Variants in ACBD6 observed in about 807,000 individuals in gnomAD.
ACBD6 encodes acyl-CoA-binding domain-containing protein 6.
A neutral mutation model predicts 37.2 loss-of-function variants in ACBD6; 28 were observed. The ratio of observed to expected loss-of-function variants is 0.75; its 90% CI spans 0.56 to 1.03. ACBD6 has a LOEUF of 1.03. Among genes scored for constraint, ACBD6 ranks in the 50% least tolerant of loss-of-function variants. The probability of loss-of-function intolerance (pLI) is 0.00; values close to 1 mark genes in which losing one functional copy is unlikely to be tolerated. For synonymous variants in ACBD6, 113 were observed against 126.8 expected (o/e 0.89, Z 0.73); for missense variants, 340 against 337.4 (o/e 1.01, Z -0.06).
chr1:180,319,615 T>C (rs1650974324), intron 6 of ACBD6, among the ~76,000 whole-genome samples: 1 of 152,188 alleles, frequency 6.6e-6, no homozygotes, highest in South Asian at 2.1e-4. Context: ...TAACTACTTT[T>C]CATACCCATT....
chr1:180,410,710 T>C (rs1298905475), intron 5 of ACBD6, among the ~76,000 whole-genome samples: 1 of 152,144 alleles, frequency 6.6e-6, no homozygotes, highest in Non-Finnish European at 1.5e-5. Context: ...ATTGACAATG[T>C]GCTTGGTCAT....
At chr1:180,418,700 T>C (rs1414299943) in intron 4 of ACBD6, among the ~76,000 whole-genome samples, 5 of 152,212 alleles carry the variant, frequency 3.3e-5, no homozygotes, top group African/African-American at 1.2e-4. Flanking sequence ...CTAATTAATA[T>C]CTAATTAAAA....
chr1:180,341,686 C>G (rs1651990822), intron 6 of ACBD6, among the ~76,000 whole-genome samples: 1 of 152,084 alleles, frequency 6.6e-6, no homozygotes, highest in Non-Finnish European at 1.5e-5. Flanking sequence ...TGTTCACTTC[C>G]ACTATTCTTC....
chr1:180,395,146 T>A (rs1654211431), intron 6 of ACBD6, among the ~76,000 whole-genome samples: 1 of 152,246 alleles, frequency 6.6e-6, no homozygotes, highest in African/African-American at 2.4e-5. Context: ...TACATGGTAC[T>A]AGTTAACTAA....
chr1:180,447,724 C>CT (rs1295191661), intron 3 of ACBD6, among the ~76,000 whole-genome samples: 1 of 152,000 alleles, frequency 6.6e-6, no homozygotes, highest in Non-Finnish European at 1.5e-5. Flanking sequence ...GAAATTATAA[C>CT]TTTTTTTGGA....
intron 11 of ACBD6, chr1:180,273,903 T>G: frequency 4.2e-6 from 2 of 481,566 alleles, no homozygotes; most frequent in South Asian, 2.1e-5. Flanking sequence ...GCCAGAGTAT[T>G]AGTACACGAG....
intron 4 of ACBD6, among the ~76,000 whole-genome samples, chr1:180,422,667 G>A (rs531066055): frequency 6.6e-6 from 1 of 152,114 alleles, no homozygotes; most frequent in African/African-American, 2.4e-5. Context: ...AGTACTTCCA[G>A]CATCACTAGT....
chr1:180,473,642 T>C (rs1164749907), intron 3 of ACBD6, among the ~76,000 whole-genome samples: 1 of 152,138 alleles, frequency 6.6e-6, no homozygotes. Flanking sequence ...ATTGAGGCAA[T>C]ATAGATAGGA....
chr1:180,301,669 G>T (rs1277866062), intron 7 of ACBD6, among the ~76,000 whole-genome samples: 1 of 152,024 alleles, frequency 6.6e-6, no homozygotes, highest in Non-Finnish European at 1.5e-5. Flanking sequence ...GTGGCATTTT[G>T]TATGGGCCCC....
intron 5 of ACBD6, among the ~76,000 whole-genome samples, chr1:180,405,561 G>A (rs1019587944): frequency 6.6e-6 from 1 of 152,082 alleles, no homozygotes; most frequent in African/African-American, 2.4e-5. Context: ...GCACTGGATG[G>A]TCATCTATTT....
intron 6 of ACBD6, among the ~76,000 whole-genome samples, chr1:180,358,554 C>A (rs1252359572): frequency 3.8e-5 from 1 of 26,272 alleles, no homozygotes; most frequent in Non-Finnish European, 1.3e-4. Flanking sequence ...ATACAGAAAC[C>A]CCAAAAAAAA....
intron 6 of ACBD6, among the ~76,000 whole-genome samples, chr1:180,323,559 T>G (rs1042995831): frequency 6.6e-6 from 1 of 152,080 alleles, no homozygotes. Flanking sequence ...TAATAATATT[T>G]CCTTTATGTA....
rs545480524 is a variant in ACBD6, at chr1:180,327,413, C to T, written c.664-12691G>A. 9.9e-5 allele frequency among the ~76,000 whole-genome samples: 15 copies of T among 152,268 alleles called. No individual in the cohort carries two copies. In the East Asian group the frequency reaches 2.7e-3, roughly 27 times the overall value. ...CGGGATTGAGAAGGGGTGGTGTCAGCGATTTAAGACTGTGTTTCCTACCCT... is the reference window on the plus strand; with the variant it reads ...CGGGATTGAGAAGGGGTGGTGTCAGTGATTTAAGACTGTGTTTCCTACCCT... On this transcript the variant is annotated intron_variant, in intron 6 of 7. Coordinates refer to ENST00000367595, the MANE Select transcript of ACBD6 (RefSeq NM_032360.4).
chr1:180,483,248 T>G (rs1230523835), intron 3 of ACBD6, among the ~76,000 whole-genome samples: 1 of 152,140 alleles, frequency 6.6e-6, no homozygotes, highest in East Asian at 1.9e-4. Context: ...ATTCTTTCAC[T>G]TAATTTCAAT....
At chr1:180,357,491 T>C (rs1190737225) in intron 6 of ACBD6, among the ~76,000 whole-genome samples, 1 of 152,220 alleles carries the variant, frequency 6.6e-6, no homozygotes, top group Admixed American at 6.5e-5. Flanking sequence ...AAGATCCCTC[T>C]GCATCCCTGC....
chr1:180,282,972 G>GTT (rs34828086), intron 8 of ACBD6, among the ~76,000 whole-genome samples: 6,864 of 109,500 alleles, frequency 0.063, 226 homozygotes, highest in Non-Finnish European at 0.068. Context: ...ATGTCTTTCT[G>GTT]TTTTTTTTTT....
chr1:180,277,765 A>T (rs1300621730), intron 9 of ACBD6: 1 of 152,164 alleles, frequency 6.6e-6, no homozygotes, highest in Non-Finnish European at 1.5e-5. Context: ...TAAAATAAAG[A>T]TCAACTATCA....
chr1:180,375,430 A>C (rs1653397390), intron 6 of ACBD6, among the ~76,000 whole-genome samples: 1 of 152,070 alleles, frequency 6.6e-6, no homozygotes, highest in African/African-American at 2.4e-5. Flanking sequence ...GGCTCAGGTG[A>C]TCCTCCTGCT....
rs139155359 is a variant in ACBD6, at chr1:180,274,234, C to T, written c.*937-122G>A. ...GCCACACCAATAGGATTTATGGCAA[C>T]GTGGGGGACGTTACAGGCGGACAGT... On this transcript the variant is annotated intron_variant, in intron 10 of 13. Transcript: ENST00000642319. 33 of 1,614,194 alleles carry T rather than the reference C, an allele frequency of 2.0e-5. No homozygotes were observed. The highest frequency in any genetic ancestry group is 7.7e-5 in the South Asian group (7 of 91,090).
Sources: allele counts gnomAD v4.1 joint callset (sites outside exome capture counted in the v4.1 genomes callset), GRCh38; gene constraint gnomAD v4.1.1; transcripts MANE v1.5; gene names NCBI Gene and HGNC (gene_info 2026-07-23, HGNC 2026-07-21).